MINDY4: variants seen among roughly 807,000 people sequenced by gnomAD.
MINDY4 encodes probable ubiquitin carboxyl-terminal hydrolase MINDY-4.
A neutral mutation model predicts 87.0 loss-of-function variants in MINDY4; 68 were observed. That is an observed-to-expected ratio of 0.78 (90% CI 0.64 to 0.96). The LOEUF is 0.96. MINDY4 is among the 40% of genes least tolerant of loss of function. The pLI is 0.00. For synonymous variants in MINDY4, 379 were observed against 363.2 expected (o/e 1.04, Z -0.50); for missense variants, 919 against 928.2 (o/e 0.99, Z 0.13).
At chr7:30,775,316 GT>G (rs1302524541) in intron 1 of MINDY4, among the ~76,000 whole-genome samples, 1 of 152,130 alleles carries the variant, frequency 6.6e-6, no homozygotes, top group Admixed American at 6.5e-5. Flanking sequence ...TTTTAATAAT[GT>G]GCTAGAATGG....
chr7:30,885,716 C>CCA (rs1790614186), intron 17 of MINDY4, among the ~76,000 whole-genome samples: 1 of 149,506 alleles, frequency 6.7e-6, no homozygotes, highest in African/African-American at 2.5e-5. Context: ...ACCCCCCCCC[C>CCA]AACCCTGCTG....
In MINDY4 at chr7:30,885,352, T is replaced by A. The variant is rs369178286; in HGVS notation, c.2225+2359T>A. On this transcript the variant is annotated intron_variant, in intron 17 of 17. Transcript: ENST00000265299. ...CTAACCAACATGGAGACACCCCATC[T>A]CTATTAAAAATTAGCCGGGCATGGT... Among the ~76,000 whole-genome samples, 48 of 152,126 alleles carry A rather than the reference T, an allele frequency of 3.2e-4. 1 individual carries two copies. In the East Asian group the frequency reaches 7.4e-3, roughly 23 times the overall value.
Position 30,851,999 on chromosome 7 carries a change from C to CT in MINDY4, c.1548-207dup, listed in dbSNP as rs368538211. 4.1e-4 allele frequency among the ~76,000 whole-genome samples: 61 copies of CT among 150,138 alleles called. 1 individual carries two copies. The highest frequency in any genetic ancestry group is 3.4e-3 in the Middle Eastern group (1 of 290). ...TCCCTTTGCAGTCTTTTTTCCATTT[C>CT]TTTTTTTTTTCTTTTAAATCCTGCT... is the stretch of plus-strand genomic sequence containing the variant. On this transcript the variant is annotated intron_variant, in intron 10 of 17. Coordinates refer to ENST00000265299, the MANE Select transcript of MINDY4 (RefSeq NM_032222.3).
chr7:30,772,186 G>A (rs1328845969), intron 1 of MINDY4, among the ~76,000 whole-genome samples: 2 of 152,140 alleles, frequency 1.3e-5, no homozygotes, highest in Non-Finnish European at 2.9e-5. Context: ...AGCTCGCCGG[G>A]GGGTCTTGGG....
At chr7:30,887,566 C>T (rs1790667833) in intron 17 of MINDY4, among the ~76,000 whole-genome samples, 1 of 152,224 alleles carries the variant, frequency 6.6e-6, no homozygotes, top group Admixed American at 6.5e-5. Flanking sequence ...CAAGGCAGGG[C>T]TTTGAAGCGT....
intron 5 of MINDY4, among the ~76,000 whole-genome samples, chr7:30,826,236 G>C (rs1269559639): frequency 3.3e-5 from 5 of 152,156 alleles, no homozygotes; most frequent in Admixed American, 2.6e-4. Context: ...GGATATAATT[G>C]AGGGCCGTTA....
At chr7:30,884,161 G>C (rs769277908) in intron 17 of MINDY4, among the ~76,000 whole-genome samples, 20 of 152,174 alleles carry the variant, frequency 1.3e-4, no homozygotes, top group Admixed American at 3.3e-4. Flanking sequence ...AGCAAGCTTA[G>C]GGTTGATGCC....
intron 6 of MINDY4, among the ~76,000 whole-genome samples, chr7:30,835,099 A>G (rs2128565195): frequency 6.6e-6 from 1 of 152,198 alleles, no homozygotes; most frequent in East Asian, 1.9e-4. Context: ...GCCCCACTTT[A>G]CTGGTACCAA....
chr7:30,771,701 C>G (rs1584216740), intron 1 of MINDY4, 145 bp downstream of exon 1: 5 of 793,906 alleles, frequency 6.3e-6, no homozygotes, highest in Non-Finnish European at 9.8e-6. Flanking sequence ...AAGAGCGCCG[C>G]TTTCCCGGGA....
At chr7:30,795,246 A>G (rs1787453028) in intron 5 of MINDY4, among the ~76,000 whole-genome samples, 1 of 152,248 alleles carries the variant, frequency 6.6e-6, no homozygotes, top group African/African-American at 2.4e-5. Flanking sequence ...CAATAGGTGT[A>G]GGCATAGGCT....
Position 30,778,555 on chromosome 7 carries a change from T to C in MINDY4, c.183+4T>C, listed in dbSNP as rs1392775904. 5.0e-6 allele frequency: 8 copies of C among 1,614,182 alleles called. 1 individual carries two copies. The Admixed American group carries it at 1.2e-4, about 24-fold the overall frequency. On this transcript the variant is annotated splice_donor_region_variant and intron_variant, in intron 2 of 17. Coordinates refer to ENST00000265299, the MANE Select transcript of MINDY4 (RefSeq NM_032222.3). ...ATTTCTCTATAAGGAGAACAAGGTA[T>C]GTGCTTTCTAAGGTGTGGTGTGGAG...
chr7:30,824,434 A>G (rs991417069), intron 5 of MINDY4, among the ~76,000 whole-genome samples: 3 of 152,134 alleles, frequency 2.0e-5, no homozygotes, highest in Non-Finnish European at 4.4e-5. Context: ...TTTCAACATG[A>G]GTTTTAGAGG....
chr7:30,859,187 C>T (rs758617278), intron 12 of MINDY4, 70 bp from the exon 13 acceptor site: 11 of 1,486,758 alleles, frequency 7.4e-6, no homozygotes, highest in African/African-American at 4.1e-5. Flanking sequence ...GTGTGGCTCC[C>T]ACAGAGGTGT....
intron 13 of MINDY4, among the ~76,000 whole-genome samples, chr7:30,871,435 C>T (rs2128578310): frequency 6.6e-6 from 1 of 152,246 alleles, no homozygotes; most frequent in South Asian, 2.1e-4. Context: ...GGCAGGCTTC[C>T]TAGCAGGACA....
intron 13 of MINDY4, among the ~76,000 whole-genome samples, chr7:30,864,537 C>T (rs1789868531): frequency 6.6e-6 from 1 of 152,218 alleles, no homozygotes. Context: ...CTCCTCTGTC[C>T]CAGCTGCATT....
chr7:30,798,567 G>A (rs1383860195), intron 5 of MINDY4, among the ~76,000 whole-genome samples: 1 of 152,086 alleles, frequency 6.6e-6, no homozygotes, highest in Non-Finnish European at 1.5e-5. Context: ...CGTGATCTTG[G>A]CTCACTGCAA....
intron 5 of MINDY4, among the ~76,000 whole-genome samples, chr7:30,821,095 TTTAA>T (rs1435106968): frequency 3.3e-4 from 51 of 152,350 alleles, no homozygotes; most frequent in African/African-American, 1.2e-3. Flanking sequence ...TTTAAGAAGC[TTTAA>T]CTCTGATGAT....
intron 5 of MINDY4, among the ~76,000 whole-genome samples, chr7:30,821,083 A>AT (rs1788314561): frequency 6.6e-6 from 1 of 152,176 alleles, no homozygotes; most frequent in African/African-American, 2.4e-5. Flanking sequence ...AAAATGTGAG[A>AT]TTTTAAGAAG....
intron 5 of MINDY4, among the ~76,000 whole-genome samples, chr7:30,815,127 C>G (rs1396373037): frequency 6.6e-6 from 1 of 152,178 alleles, no homozygotes; most frequent in Non-Finnish European, 1.5e-5. Context: ...CTCCTAGCAG[C>G]TAAGTAAACA....
Sources: gnomAD v4.1 joint callset for allele counts (sites outside exome capture counted in the v4.1 genomes callset) on GRCh38, gnomAD v4.1.1 for gene constraint, MANE v1.5 for transcripts, NCBI Gene and HGNC (gene_info 2026-07-23, HGNC 2026-07-21) for gene names.